The following FNIP1 variants were observed in gnomAD, a reference collection of about 807,000 sequenced individuals.
The protein encoded by FNIP1 is folliculin-interacting protein 1.
In FNIP1, 40 loss-of-function variants were observed where a neutral mutation model predicts 124.5. That is an observed-to-expected ratio of 0.32 (90% CI 0.25 to 0.42). FNIP1 has a LOEUF of 0.42. FNIP1 is among the 10% of genes least tolerant of loss of function. The pLI, the probability that FNIP1 is intolerant of heterozygous loss-of-function variation, is 1.00. For synonymous variants in FNIP1, 472 were observed against 470.6 expected (o/e 1.00, Z -0.04); for missense variants, 1,176 against 1,403.7 (o/e 0.84, Z 2.59).
At chr5:131,670,128 A>G (rs1414097648) in intron 15 of FNIP1, among the ~76,000 whole-genome samples, 1 of 152,228 alleles carries the variant, frequency 6.6e-6, no homozygotes, top group Admixed American at 6.5e-5. Context: ...TCTATATGTA[A>G]GCAATGAGTA....
intron 1 of FNIP1, among the ~76,000 whole-genome samples, chr5:131,788,225 A>G (rs1398015517): frequency 6.6e-6 from 1 of 152,214 alleles, no homozygotes; most frequent in Non-Finnish European, 1.5e-5. Flanking sequence ...AGACTAAGAG[A>G]ATGGTGGTCC....
At chr5:131,645,567 C>G (rs1002831746) in intron 17 of FNIP1, among the ~76,000 whole-genome samples, 2 of 152,126 alleles carry the variant, frequency 1.3e-5, no homozygotes, top group African/African-American at 4.8e-5. Context: ...ATAGCCAGTA[C>G]TGAGAAGAGT....
chr5:131,779,597 A>G (rs983617371), intron 1 of FNIP1, among the ~76,000 whole-genome samples: 2 of 151,516 alleles, frequency 1.3e-5, no homozygotes, highest in African/African-American at 4.8e-5. Context: ...CTGAGGCAGG[A>G]GAATCGCTTG....
In FNIP1 at chr5:131,657,114, C is replaced by T. The variant is rs569798977; in HGVS notation, c.3109-5115G>A. ...CAACTCCCAGGTTCGAGTGCTTCTC[C>T]TGACTCAGACTCTCAAGTAGCTGGG... On this transcript the variant is annotated intron_variant, in intron 15 of 17. Coordinates refer to ENST00000510461, the MANE Select transcript of FNIP1 (RefSeq NM_133372.3). Among the ~76,000 whole-genome samples the T allele has an allele frequency of 4.0e-5, 6 of 148,948 alleles. No homozygotes were observed. In the South Asian group the frequency reaches 1.3e-3, roughly 32 times the overall value.
chr5:131,686,690 C>T (rs750807555), intron 11 of FNIP1, among the ~76,000 whole-genome samples: 60 of 152,270 alleles, frequency 3.9e-4, no homozygotes, highest in Middle Eastern at 3.4e-3. Context: ...CATACTCTTT[C>T]AGTTACTTTA....
chr5:131,655,052 A>G (rs940980337), intron 15 of FNIP1, among the ~76,000 whole-genome samples: 1 of 152,240 alleles, frequency 6.6e-6, no homozygotes, highest in African/African-American at 2.4e-5. Context: ...CTGACCAACA[A>G]CATGGGTTTG....
chr5:131,744,672 A>G lies in FNIP1; in HGVS notation c.111T>C (p.Phe37=). 2 of 1,609,476 alleles carry G rather than the reference A, an allele frequency of 1.2e-6. No homozygotes were observed. The highest frequency in any genetic ancestry group is 1.7e-6 in the Non-Finnish European group (2 of 1,177,710). ...CAATCAGTCGAATCTGGCTTGGATCAAACTCTGGTAAAGGCCAACTTGAAA... is the reference window on the plus strand; with the variant it reads ...CAATCAGTCGAATCTGGCTTGGATCGAACTCTGGTAAAGGCCAACTTGAAA... ...DCGFSWPLPE[F]DPSQIRLIVY... is the part of the protein sequence containing the mutation. Residue 37 remains phenylalanine (F), a synonymous_variant, in exon 2 of 18, where the codon TTT becomes TTC. Transcript: ENST00000510461.
intron 3 of FNIP1, among the ~76,000 whole-genome samples, chr5:131,721,310 T>C (rs1769652375): frequency 6.6e-6 from 1 of 151,238 alleles, no homozygotes; most frequent in South Asian, 2.1e-4. Flanking sequence ...AATCAAAGAG[T>C]AGAATGGTAG....
chr5:131,718,693 G>C (rs1769552079), intron 5 of FNIP1, among the ~76,000 whole-genome samples: 1 of 152,194 alleles, frequency 6.6e-6, no homozygotes, highest in African/African-American at 2.4e-5. Flanking sequence ...TGGTAACTCA[G>C]GTAACTCAGC....
At chr5:131,758,310 C>T (rs2149570386) in intron 1 of FNIP1, among the ~76,000 whole-genome samples, 1 of 152,304 alleles carries the variant, frequency 6.6e-6, no homozygotes, top group East Asian at 1.9e-4. Flanking sequence ...CTCTTCTTTT[C>T]ACCTGTAGCC....
At chr5:131,675,180 G>A (rs894232523) in intron 13 of FNIP1, among the ~76,000 whole-genome samples, 1 of 152,184 alleles carries the variant, frequency 6.6e-6, no homozygotes, top group African/African-American at 2.4e-5. Flanking sequence ...TTACTCATGT[G>A]ATGTCCTGTC....
At chr5:131,735,942 C>T (rs541649126) in intron 2 of FNIP1, among the ~76,000 whole-genome samples, 2 of 152,110 alleles carry the variant, frequency 1.3e-5, no homozygotes, top group South Asian at 4.2e-4. Flanking sequence ...GCTAATTTTA[C>T]TTTTTGTAGA....
At chr5:131,751,094 T>C (rs1032368877) in intron 1 of FNIP1, among the ~76,000 whole-genome samples, 3 of 152,186 alleles carry the variant, frequency 2.0e-5, no homozygotes, top group African/African-American at 7.2e-5. Flanking sequence ...AAGCTCTTCA[T>C]GGGCTGGCCC....
chr5:131,769,788 G>C (rs1771564429), intron 1 of FNIP1, among the ~76,000 whole-genome samples: 1 of 152,142 alleles, frequency 6.6e-6, no homozygotes, highest in Admixed American at 6.5e-5. Flanking sequence ...TGAAGAGTCT[G>C]GGATTTTTAC....
At chr5:131,710,221 G>A (rs1441793107) in intron 7 of FNIP1, among the ~76,000 whole-genome samples, 2 of 152,070 alleles carry the variant, frequency 1.3e-5, no homozygotes, top group Non-Finnish European at 2.9e-5. Context: ...TGGTACAAAA[G>A]CTACTCAGCC....
At chr5:131,707,843 G>C (rs1769164135) in intron 8 of FNIP1, among the ~76,000 whole-genome samples, 1 of 152,114 alleles carries the variant, frequency 6.6e-6, no homozygotes, top group African/African-American at 2.4e-5. Context: ...GATCAGTCTA[G>C]CCAGATGCTT....
At chr5:131,657,806 C>T (rs897199282) in intron 15 of FNIP1, among the ~76,000 whole-genome samples, 4 of 144,322 alleles carry the variant, frequency 2.8e-5, no homozygotes, top group African/African-American at 7.7e-5. Flanking sequence ...TTTGGGAGGC[C>T]GAGGCAGGCG....
At chr5:131,667,184 T>G (rs1767627740) in intron 15 of FNIP1, among the ~76,000 whole-genome samples, 2 of 152,234 alleles carry the variant, frequency 1.3e-5, no homozygotes, top group Non-Finnish European at 2.9e-5. Context: ...CTACATTTAT[T>G]CATACACTTG....
Position 131,706,557 on chromosome 5 carries a change from A to G in FNIP1, c.779-11T>C, listed in dbSNP as rs758257054. 2 of 1,559,206 alleles carry G rather than the reference A, an allele frequency of 1.3e-6. No individual in the cohort carries two copies. Among genetic ancestry groups the G allele is most frequent in the East Asian group, 2.3e-5 (1 of 43,448 alleles). ...AGCTGCTGAGAGATGCTGTTAAGTC[A>G]GAAGAACAACAAGTATAAGTCAATA... On this transcript the variant is annotated splice_polypyrimidine_tract_variant and intron_variant, in intron 8 of 17. Transcript: ENST00000510461.
Sources: allele counts gnomAD v4.1 joint callset (sites outside exome capture counted in the v4.1 genomes callset), GRCh38; gene constraint gnomAD v4.1.1; transcripts MANE v1.5; gene names NCBI Gene and HGNC (gene_info 2026-07-23, HGNC 2026-07-21).